The following ALOXE3 variants were observed in gnomAD, a reference collection of about 807,000 sequenced individuals.
ALOXE3 encodes the protein arachidonate epidermal lipoxygenase 3.
In ALOXE3, 78 loss-of-function variants were observed where a neutral mutation model predicts 87.5. The ratio of observed to expected loss-of-function variants is 0.89; its 90% CI spans 0.74 to 1.08. The LOEUF is 1.08. Among genes scored for constraint, ALOXE3 ranks in the 50% least tolerant of loss-of-function variants. The pLI, the probability that ALOXE3 is intolerant of heterozygous loss-of-function variation, is 0.00. For synonymous variants in ALOXE3, 363 were observed against 370.8 expected (o/e 0.98, Z 0.24); for missense variants, 946 against 912.4 (o/e 1.04, Z -0.47).
In ALOXE3 at chr17:8,109,199, G is replaced by A. The variant is rs1255690988; in HGVS notation, c.1537C>T (p.Leu513=). ...IPNYHYRDDG[L]KIWAAIESFV... is the part of the protein sequence containing the mutation. ...CTCTCAATGGCCGCCCAGATCTTCA[G>A]GCCGTCGTCTCGGTAGTGGTAGTTG... is the stretch of plus-strand genomic sequence containing the variant. The change falls in exon 12 of 16, where the codon CTG becomes TTG. Residue 513 remains leucine, a synonymous_variant. Transcript: ENST00000448843. The A allele has an allele frequency of 3.7e-6, 6 of 1,613,852 alleles. No homozygotes were observed. The highest frequency in any genetic ancestry group is 2.5e-6 in the Non-Finnish European group (3 of 1,180,044).
chr17:8,115,080 G>A, intron 4 of ALOXE3, 23 bp from the exon 5 acceptor site: 1 of 1,614,112 alleles, frequency 6.2e-7, no homozygotes, highest in South Asian at 1.1e-5. Context: ...AGAGGTCAGA[G>A]GTGGCAGGTC....
rs1308027800 is a variant in ALOXE3, at chr17:8,118,047, G to A, written c.-57C>T. ...GCTGGCCGCAGCAGCAGCCGGCCTG[G>A]AGGAGAAGAGCGGCACGCCGGACAG... On this transcript the variant is annotated 5_prime_UTR_variant, in exon 2 of 16. Transcript: ENST00000448843. 1.3e-6 allele frequency: 2 copies of A among 1,594,426 alleles called. No individual in the cohort carries two copies. Among genetic ancestry groups the A allele is most frequent in the Non-Finnish European group, 1.7e-6 (2 of 1,172,880 alleles).
At chr17:8,109,835 C>A in intron 11 of ALOXE3, 81 bp downstream of exon 11, 1 of 1,410,090 alleles carries the variant, frequency 7.1e-7, no homozygotes, top group Middle Eastern at 2.3e-4. Context: ...GGGGCTTGGG[C>A]GCAGAACAGG....
intron 2 of ALOXE3, 70 bp downstream of exon 2, chr17:8,117,774 G>A: frequency 6.4e-7 from 1 of 1,563,462 alleles, no homozygotes. Flanking sequence ...AAGAGTCCAG[G>A]AGGAATACTC....
rs150865813 is a variant in ALOXE3 at position 8,116,619 on chromosome 17, G to A, written c.352+157C>T. On this transcript the variant is annotated intron_variant, in intron 3 of 15. Coordinates refer to ENST00000448843, the MANE Select transcript of ALOXE3 (RefSeq NM_021628.3). ...CGTCTGCAAAACCCTCGCATTTCAG[G>A]GCTTGAGAGGCTCCCTTTTTTCAGA... Among the ~76,000 whole-genome samples the A allele has an allele frequency of 2.0e-5, 3 of 152,270 alleles. No homozygotes were observed. In the East Asian group the frequency reaches 5.8e-4, roughly 29 times the overall value.
In ALOXE3 at chr17:8,103,491, A is replaced by G; in HGVS notation, c.1788T>C (p.His596=). 6.2e-7 allele frequency: 1 copy of G among 1,614,024 alleles called. No individual in the cohort carries two copies. The highest frequency in any genetic ancestry group is 8.5e-7 in the Non-Finnish European group (1 of 1,179,990). Residue 596 remains histidine, a splice_region_variant and synonymous_variant, in exon 15 of 16, where the codon CAT becomes CAC. Transcript: ENST00000448843. ...AQHAAVNSGQ[H]DFGAWMPNAP... is the part of the protein sequence containing the mutation. The stretch of plus-strand genomic sequence containing the variant: ...CATTGGGCATCCAGGCCCCAAAGTC[A>G]TGCTGTGGAGACCCCCATCCCAGTT...
At chr17:8,105,914 CAAAAAAA>C (rs1164518718) in intron 13 of ALOXE3, among the ~76,000 whole-genome samples, 11 of 43,168 alleles carry the variant, frequency 2.5e-4, no homozygotes, top group South Asian at 1.3e-3. Context: ...GACCCCGCCT[CAAAAAAA>C]AAAAAAAAAA....
chr17:8,103,277 G>A (rs770057653), intron 15 of ALOXE3, 46 bp downstream of exon 15: 2 of 1,608,220 alleles, frequency 1.2e-6, no homozygotes, highest in Non-Finnish European at 1.7e-6. Flanking sequence ...CACCCCTACT[G>A]GTGGCCCTAA....
At position 8,104,197 on chromosome 17, in the gene ALOXE3, C is replaced by G; in HGVS notation, c.1703G>C (p.Cys568Ser). The G allele has an allele frequency of 1.2e-6, 2 of 1,613,864 alleles. No homozygotes were observed. The highest frequency in any genetic ancestry group is 1.7e-5 in the Admixed American group (1 of 60,002). The change falls in exon 14 of 16, where the codon TGC (cysteine) becomes TCC (serine). Residue 568 changes from cysteine (C) to serine (S), a missense_variant. By Grantham distance (112) the Cys-to-Ser change is moderately radical. Transcript: ENST00000448843. ...RESSGFPSRL[C>S]TPGEMVKFLT... is the part of the protein sequence containing the mutation. ...GAACTTCACCATCTCTCCTGGGGTG[C>G]ACAGCCGGCTTGGGAAACCTGGGTG...
chr17:8,099,666 A>AG (rs1978801156), intron 15 of ALOXE3, among the ~76,000 whole-genome samples: 1 of 151,616 alleles, frequency 6.6e-6, no homozygotes, highest in African/African-American at 2.4e-5. Flanking sequence ...GTCTCAAAAA[A>AG]AAAAAAAAAG....
In ALOXE3 at chr17:8,095,995, G is replaced by A. The variant is rs1189879278; in HGVS notation, c.*632C>T. The A allele has an allele frequency of 6.6e-6, 1 of 152,290 alleles. No individual in the cohort carries two copies. The highest frequency in any genetic ancestry group is 1.5e-5 in the Non-Finnish European group (1 of 68,210). The allele number at this position is 152,290 out of a possible 1,614,324, so 9.4% of individuals were successfully genotyped here. ...AGGGAGTGGGATGAAAGGGGAGTTG[G>A]ATGAAATCTTTGGAGAAAGACAGAT... On this transcript the variant is annotated 3_prime_UTR_variant, in exon 16 of 16. Transcript: ENST00000448843.
intron 15 of ALOXE3, among the ~76,000 whole-genome samples, chr17:8,100,160 C>CA (rs1358028266): frequency 1.3e-5 from 2 of 151,012 alleles, no homozygotes; most frequent in Non-Finnish European, 3.0e-5. Context: ...GGGACGGAAG[C>CA]AAAAAAAATA....
chr17:8,114,848 A>AC, intron 5 of ALOXE3, 90 bp downstream of exon 5: 2 of 1,575,424 alleles, frequency 1.3e-6, no homozygotes, highest in Non-Finnish European at 1.7e-6. Flanking sequence ...ATAGACCCCT[A>AC]CCCCTCCTTC....
intron 3 of ALOXE3, among the ~76,000 whole-genome samples, chr17:8,116,299 C>G (rs1980579542): frequency 6.6e-6 from 1 of 152,172 alleles, no homozygotes; most frequent in Admixed American, 6.5e-5. Context: ...CCCAGAAATT[C>G]AACAAGGAAT....
chr17:8,115,859 A>G (rs1980541148), intron 3 of ALOXE3, among the ~76,000 whole-genome samples, 171 bp from the exon 4 acceptor site: 1 of 152,246 alleles, frequency 6.6e-6, no homozygotes, highest in Non-Finnish European at 1.5e-5. Context: ...GGGATTCAAG[A>G]CAGCTTCACC....
intron 8 of ALOXE3, among the ~76,000 whole-genome samples, chr17:8,111,094 C>T (rs1173997987): frequency 2.0e-5 from 3 of 152,176 alleles, no homozygotes; most frequent in South Asian, 2.1e-4. Flanking sequence ...GCAAGCCTTC[C>T]TCAAAGATGT....
At position 8,110,501 on chromosome 17, in the gene ALOXE3, A is replaced by G; in HGVS notation, c.985T>C (p.Trp329Arg). 2.5e-6 allele frequency: 4 copies of G among 1,613,974 alleles called. No homozygotes were observed. In the South Asian group the frequency reaches 3.3e-5, roughly 13 times the overall value. The change falls in exon 9 of 16, where the codon TGG (tryptophan) becomes CGG (arginine). Residue 329 changes from tryptophan to arginine, a missense_variant. Coordinates refer to ENST00000448843, the MANE Select transcript of ALOXE3 (RefSeq NM_021628.3). ...TGGGTGGGGGCCTCCGCCAGGATCCAGTAGTCCGCTAGGAAGATGTTCCCC... is the reference window on the plus strand; with the variant it reads ...TGGGTGGGGGCCTCCGCCAGGATCCGGTAGTCCGCTAGGAAGATGTTCCCC... Reference protein sequence around the residue: ...ERGNIFLADYWILAEAPTHCL... With the variant: ...ERGNIFLADYRILAEAPTHCL...
chr17:8,114,815 T>A lies in ALOXE3; in HGVS notation c.554+123A>T, dbSNP rs188337288. Reference sequence around the variant, plus strand: ...CCTTTGGGGCCATCTCCCATCCTGATGCTTGAATGAAACTGCATTGTCATA... The same window carrying A: ...CCTTTGGGGCCATCTCCCATCCTGAAGCTTGAATGAAACTGCATTGTCATA... On this transcript the variant is annotated intron_variant, in intron 5 of 15. Coordinates refer to ENST00000448843, the MANE Select transcript of ALOXE3 (RefSeq NM_021628.3). The A allele has an allele frequency of 3.3e-3, 4,952 of 1,509,786 alleles. 79 individuals carry two copies. The highest frequency in any genetic ancestry group is 0.032 in the South Asian group (2,854 of 88,446). The allele number at this position is 1,509,786 out of a possible 1,614,324, so 93.5% of individuals were successfully genotyped here. A position where few individuals can be genotyped will look rare whatever the true frequency, so the allele number is the denominator to read the frequency against.
chr17:8,110,079 C>T lies in ALOXE3; in HGVS notation c.1305+13G>A, dbSNP rs906448267. On this transcript the variant is annotated intron_variant, in intron 10 of 15. Transcript: ENST00000448843. ...GCCCCTGCCCCGCTGGGCCCCCACC[C>T]GGGGTCGCGGACCTTGTAGATGGGG... is the stretch of plus-strand genomic sequence containing the variant. The T allele has an allele frequency of 1.9e-6, 3 of 1,605,930 alleles. No homozygotes were observed. Among genetic ancestry groups the T allele is most frequent in the Non-Finnish European group, 2.6e-6 (3 of 1,176,364 alleles).
Sources: gnomAD v4.1 joint callset for allele counts (sites outside exome capture counted in the v4.1 genomes callset) on GRCh38, gnomAD v4.1.1 for gene constraint, MANE v1.5 for transcripts, NCBI Gene and HGNC (gene_info 2026-07-23, HGNC 2026-07-21) for gene names.